The following UBE2E2 variants were observed in gnomAD, a reference collection of about 807,000 sequenced individuals.
The protein encoded by UBE2E2 is ubiquitin conjugating enzyme E2 E2.
Under a neutral mutation model 24.7 loss-of-function variants are expected in UBE2E2, and 6 were observed. The ratio of observed to expected loss-of-function variants is 0.24; its 90% CI spans 0.13 to 0.48. The LOEUF is 0.48. UBE2E2 is among the 20% of genes least tolerant of loss of function. The pLI, the probability that UBE2E2 is intolerant of heterozygous loss-of-function variation, is 0.99. For missense variants in UBE2E2, 169 were observed against 245.0 expected, an observed-to-expected ratio of 0.69 and a Z score of 2.07; for synonymous variants, 104 against 83.6, an observed-to-expected ratio of 1.24 and a Z score of -1.33.
chr3:23,224,111 A>C (rs922917434), intron 3 of UBE2E2, among the ~76,000 whole-genome samples: 1 of 124,248 alleles, frequency 8.0e-6, no homozygotes, highest in African/African-American at 3.0e-5. Context: ...TTTGCTCAGG[A>C]TTGCTTTGGC....
chr3:23,486,601 G>C (rs1699378028), intron 3 of UBE2E2, among the ~76,000 whole-genome samples: 1 of 152,170 alleles, frequency 6.6e-6, no homozygotes, highest in African/African-American at 2.4e-5. Context: ...TCAAGTTCTT[G>C]TCCCACGTCT....
intron 5 of UBE2E2, among the ~76,000 whole-genome samples, chr3:23,536,501 G>T (rs1042483051): frequency 6.6e-6 from 1 of 152,084 alleles, no homozygotes; most frequent in Non-Finnish European, 1.5e-5. Context: ...TCTAAACTCA[G>T]TTATGATGTA....
At chr3:23,432,549 C>T (rs781756354) in intron 3 of UBE2E2, among the ~76,000 whole-genome samples, 3 of 151,922 alleles carry the variant, frequency 2.0e-5, no homozygotes, top group Non-Finnish European at 2.9e-5. Context: ...CTGATAAATT[C>T]CTGCTGTCAG....
chr3:23,277,968 A>T (rs1698407138), intron 3 of UBE2E2, among the ~76,000 whole-genome samples: 1 of 152,160 alleles, frequency 6.6e-6, no homozygotes, highest in Non-Finnish European at 1.5e-5. Context: ...CGTGATACCC[A>T]TTTTAGTCAG....
In UBE2E2 at chr3:23,369,141, T is replaced by C. The variant is rs565825619; in HGVS notation, c.228-130467T>C. Among the ~76,000 whole-genome samples the C allele has an allele frequency of 2.6e-5, 4 of 152,320 alleles. No homozygotes were observed. The East Asian group carries it at 7.7e-4, about 29-fold the overall frequency. ...CTCATTCAAAGAGTAGCTTTTATCATGGCCTTTGGTCAGAGATGCTGTTTG... is the reference window on the plus strand; with the variant it reads ...CTCATTCAAAGAGTAGCTTTTATCACGGCCTTTGGTCAGAGATGCTGTTTG... On this transcript the variant is annotated intron_variant, in intron 3 of 5. Coordinates refer to ENST00000396703, the MANE Select transcript of UBE2E2 (RefSeq NM_152653.4).
intron 3 of UBE2E2, among the ~76,000 whole-genome samples, chr3:23,437,743 C>G (rs1287107462): frequency 6.6e-6 from 1 of 152,174 alleles, no homozygotes; most frequent in Non-Finnish European, 1.5e-5. Context: ...ATTTCTACGT[C>G]CTTTTGGTTC....
intron 5 of UBE2E2, among the ~76,000 whole-genome samples, chr3:23,579,384 C>CAAAAAA (rs796492703): frequency 1.1e-5 from 1 of 87,000 alleles, no homozygotes; most frequent in African/African-American, 3.8e-5. Context: ...GACTCCATCT[C>CAAAAAA]AAAAAAAAAA....
chr3:23,369,677 T>A (rs182604936), intron 3 of UBE2E2, among the ~76,000 whole-genome samples: 45 of 152,344 alleles, frequency 3.0e-4, no homozygotes, highest in Middle Eastern at 3.4e-3. Context: ...ATGTGTGATT[T>A]TCTGCTTTGA....
At chr3:23,302,965 A>G (rs1198350274) in intron 3 of UBE2E2, among the ~76,000 whole-genome samples, 1 of 152,170 alleles carries the variant, frequency 6.6e-6, no homozygotes, top group Non-Finnish European at 1.5e-5. Context: ...CCCATGACAC[A>G]TACCTGTGGA....
In UBE2E2 at chr3:23,474,993, C is replaced by T. The variant is rs1047291634; in HGVS notation, c.228-24615C>T. 1.1e-4 allele frequency among the ~76,000 whole-genome samples: 16 copies of T among 152,068 alleles called. 1 individual carries two copies. Among genetic ancestry groups the T allele is most frequent in the Non-Finnish European group, 1.9e-4 (13 of 68,024 alleles). On this transcript the variant is annotated intron_variant, in intron 3 of 5. Coordinates refer to ENST00000396703, the MANE Select transcript of UBE2E2 (RefSeq NM_152653.4). The surrounding 1 kb of genome is among the most constrained non-coding windows in gnomAD (Gnocchi z 4.0). ...TCTCAAAGTCACCAACTGCATTTTGCTGAAAGTGATAGAACTTTCTCCATG... is the reference window on the plus strand; with the variant it reads ...TCTCAAAGTCACCAACTGCATTTTGTTGAAAGTGATAGAACTTTCTCCATG...
chr3:23,317,636 A>G (rs913565972), intron 3 of UBE2E2, among the ~76,000 whole-genome samples: 2 of 152,176 alleles, frequency 1.3e-5, no homozygotes, highest in Non-Finnish European at 1.5e-5. Context: ...ATGGCAGCAG[A>G]CAGAGAGAGC....
intron 5 of UBE2E2, among the ~76,000 whole-genome samples, chr3:23,588,257 A>G (rs1454885232): frequency 6.6e-6 from 1 of 152,198 alleles, no homozygotes; most frequent in East Asian, 1.9e-4. Context: ...CTGCTCTAAT[A>G]TACCCAAATT....
rs1367369220 is a variant in UBE2E2, at chr3:23,407,099, C to A, written c.228-92509C>A. On this transcript the variant is annotated intron_variant, in intron 3 of 5. Coordinates refer to ENST00000396703, the MANE Select transcript of UBE2E2 (RefSeq NM_152653.4). The surrounding 1 kb of genome is among the most constrained non-coding windows in gnomAD (Gnocchi z 4.0). ...TTGGAGACAAATTTTTCTTCAGCTT[C>A]ACATGTTGAAGATATTCTCCAAAGA... Among the ~76,000 whole-genome samples the A allele has an allele frequency of 6.6e-6, 1 of 152,150 alleles. No homozygotes were observed. The highest frequency in any genetic ancestry group is 2.4e-5 in the African/African-American group (1 of 41,428).
At chr3:23,417,730 C>T (rs550172240) in intron 3 of UBE2E2, among the ~76,000 whole-genome samples, 1 of 152,324 alleles carries the variant, frequency 6.6e-6, no homozygotes, top group South Asian at 2.1e-4. Context: ...AGGGCTGCTG[C>T]CTTTCTTTCA....
chr3:23,376,459 C>G, intron 3 of UBE2E2, among the ~76,000 whole-genome samples: 1 of 152,168 alleles, frequency 6.6e-6, no homozygotes, highest in South Asian at 2.1e-4. Flanking sequence ...AGGTAAGATA[C>G]GTGAACCACA....
intron 3 of UBE2E2, among the ~76,000 whole-genome samples, chr3:23,344,902 A>AT (rs199853898): frequency 1.7e-4 from 26 of 150,068 alleles, no homozygotes; most frequent in African/African-American, 4.4e-4. Flanking sequence ...ATGAGGAAAG[A>AT]TTTTTTTTTT....
chr3:23,313,797 C>T (rs573829360), intron 3 of UBE2E2, among the ~76,000 whole-genome samples: 84 of 152,130 alleles, frequency 5.5e-4, no homozygotes, highest in Non-Finnish European at 9.4e-4. Flanking sequence ...CGTTTTGTTA[C>T]TTGTTTTCTG....
At chr3:23,399,809 A>C (rs753836037) in intron 3 of UBE2E2, among the ~76,000 whole-genome samples, 1 of 152,190 alleles carries the variant, frequency 6.6e-6, no homozygotes, top group Non-Finnish European at 1.5e-5. Context: ...TATCATTTGC[A>C]TCATGAAACA....
rs551869383 is a variant in UBE2E2, at chr3:23,439,206, A to C, written c.228-60402A>C. 4.6e-5 allele frequency among the ~76,000 whole-genome samples: 7 copies of C among 152,326 alleles called. No homozygotes were observed. In the East Asian group the frequency reaches 7.7e-4, roughly 17 times the overall value. On this transcript the variant is annotated intron_variant, in intron 3 of 5. Coordinates refer to ENST00000396703, the MANE Select transcript of UBE2E2 (RefSeq NM_152653.4). The stretch of plus-strand genomic sequence containing the variant: ...TTTTAAAAAATACTGTTATGTGTAC[A>C]GGGGAAGGCTAACCTGAGACTTTCC...
Sources: allele counts gnomAD v4.1 joint callset (sites outside exome capture counted in the v4.1 genomes callset), GRCh38; gene constraint gnomAD v4.1.1; non-coding constraint Gnocchi (gnomAD v3.1); transcripts MANE v1.5; gene names NCBI Gene and HGNC (gene_info 2026-07-23, HGNC 2026-07-21).